Variants in CEP128 observed in about 807,000 individuals in gnomAD.
CEP128 encodes centrosomal protein 128kDa.
A neutral mutation model predicts 156.7 loss-of-function variants in CEP128; 132 were observed. That is an observed-to-expected ratio of 0.84 (90% CI 0.73 to 0.97). CEP128 has a LOEUF of 0.97. CEP128 is among the 50% of genes least tolerant of loss of function. The pLI, the probability that CEP128 is intolerant of heterozygous loss-of-function variation, is 0.00. For synonymous variants in CEP128, 469 were observed against 448.9 expected, an observed-to-expected ratio of 1.04 and a Z score of -0.57; for missense variants, 1,252 against 1,281.9, an observed-to-expected ratio of 0.98 and a Z score of 0.36.
intron 19 of CEP128, among the ~76,000 whole-genome samples, chr14:80,682,822 A>G (rs1269818972): frequency 6.6e-6 from 1 of 152,204 alleles, no homozygotes; most frequent in Admixed American, 6.5e-5. Context: ...TCCAAAAAAC[A>G]ATTTCATTTT....
At chr14:80,877,676 C>G (rs180754114) in intron 8 of CEP128, among the ~76,000 whole-genome samples, 1 of 152,286 alleles carries the variant, frequency 6.6e-6, no homozygotes, top group East Asian at 1.9e-4. Flanking sequence ...CACCTTGCCT[C>G]CACCATCTCA....
intron 16 of CEP128, among the ~76,000 whole-genome samples, chr14:80,765,331 G>A (rs1900186463): frequency 1.3e-5 from 2 of 152,194 alleles, no homozygotes; most frequent in Admixed American, 6.5e-5. Flanking sequence ...CTAATTCTGG[G>A]GGAGGGTTGG....
chr14:80,650,393 T>G (rs935058658), intron 19 of CEP128, among the ~76,000 whole-genome samples: 1 of 152,150 alleles, frequency 6.6e-6, no homozygotes, highest in African/African-American at 2.4e-5. Context: ...TTCTTACTAT[T>G]TGAATACCCT....
chr14:80,561,645 C>T (rs1255810402), intron 20 of CEP128, among the ~76,000 whole-genome samples: 1 of 151,976 alleles, frequency 6.6e-6, no homozygotes, highest in Non-Finnish European at 1.5e-5. Context: ...TTAAGATTAA[C>T]GTATTTTAAA....
At chr14:80,493,049 T>C (rs1443631986), downstream of CEP128, among the ~76,000 whole-genome samples, 1 of 152,158 alleles carries the variant, frequency 6.6e-6, no homozygotes, top group Non-Finnish European at 1.5e-5. Context: ...AGAGCTCCAA[T>C]ATCTAAGGAT....
rs147367329 is a variant in CEP128, at chr14:80,862,801, T to C, written c.718A>G (p.Arg240Gly). ...EMRTERELVE[R>G]RQDQLGLMSL... ...ATGAGTCCCAGTTGATCCTGGCGTCTTTCCACCAGCTCCCTTTCTGTGCGC... is the reference window on the plus strand; with the variant it reads ...ATGAGTCCCAGTTGATCCTGGCGTCCTTCCACCAGCTCCCTTTCTGTGCGC... The change falls in exon 9 of 25, where the codon AGA becomes GGA. Residue 240 changes from arginine to glycine, a missense_variant. Arg to Gly is a moderately radical substitution (Grantham distance 125, BLOSUM62 -2). Coordinates refer to ENST00000555265, the MANE Select transcript of CEP128 (RefSeq NM_152446.5). The C allele has an allele frequency of 5.6e-6, 9 of 1,613,946 alleles. No homozygotes were observed. Among genetic ancestry groups the C allele is most frequent in the African/African-American group, 4.0e-5 (3 of 74,934 alleles).
At chr14:80,846,055 G>A (rs1293032067) in intron 9 of CEP128, among the ~76,000 whole-genome samples, 1 of 152,136 alleles carries the variant, frequency 6.6e-6, no homozygotes, top group Non-Finnish European at 1.5e-5. Context: ...ATGTCTATTT[G>A]CATATGGTGC....
chr14:80,789,992 C>T (rs1192407180), intron 14 of CEP128, among the ~76,000 whole-genome samples: 1 of 151,932 alleles, frequency 6.6e-6, no homozygotes, highest in African/African-American at 2.4e-5. Context: ...ACTCCATATG[C>T]ATTCAAAAAA....
At chr14:80,737,785 G>T (rs1016782652) in intron 19 of CEP128, among the ~76,000 whole-genome samples, 8 of 152,110 alleles carry the variant, frequency 5.3e-5, no homozygotes, top group Admixed American at 5.2e-4. Flanking sequence ...AGCTACTCAG[G>T]AGTCTGAGAT....
chr14:80,685,181 T>C lies in CEP128; in HGVS notation c.2806+57894A>G, dbSNP rs76318584. On this transcript the variant is annotated intron_variant, in intron 19 of 24. Coordinates refer to ENST00000555265, the MANE Select transcript of CEP128 (RefSeq NM_152446.5). ...CTATGTCTCTTCACTGAGGATTTGA[T>C]TCTATCCCTAGAAAACTCTAAAGAC... Among the ~76,000 whole-genome samples, 491 of 152,206 alleles carry C rather than the reference T, an allele frequency of 3.2e-3. 4 individuals are homozygous for C. Among genetic ancestry groups the C allele is most frequent in the African/African-American group, 0.011 (472 of 41,556 alleles).
chr14:80,573,941 C>T (rs2140423321), intron 20 of CEP128, among the ~76,000 whole-genome samples: 1 of 152,252 alleles, frequency 6.6e-6, no homozygotes, highest in East Asian at 1.9e-4. Context: ...TTTTAAATCA[C>T]ATTTCAGAAG....
chr14:80,770,487 C>T (rs970510643), intron 16 of CEP128, among the ~76,000 whole-genome samples: 1 of 152,146 alleles, frequency 6.6e-6, no homozygotes, highest in African/African-American at 2.4e-5. Context: ...AAATGGGAAG[C>T]ACTCTGTTAT....
intron 9 of CEP128, among the ~76,000 whole-genome samples, chr14:80,841,647 T>C (rs1886353773): frequency 6.6e-6 from 1 of 152,036 alleles, no homozygotes. Context: ...GAATTATTAT[T>C]ATTCCAAGCC....
chr14:80,584,542 T>C (rs1891732011), intron 19 of CEP128, among the ~76,000 whole-genome samples: 1 of 152,120 alleles, frequency 6.6e-6, no homozygotes, highest in African/African-American at 2.4e-5. Flanking sequence ...CCCACACCAT[T>C]GCTGTATGCC....
chr14:80,840,587 T>C lies in CEP128; in HGVS notation c.849+95A>G, dbSNP rs911331215. The C allele has an allele frequency of 9.3e-6, 7 of 748,942 alleles. No homozygotes were observed. In the African/African-American group the frequency reaches 1.1e-4, roughly 11 times the overall value. 46.4% of individuals were successfully genotyped at this position (748,942 alleles called of 1,614,324 possible). On this transcript the variant is annotated intron_variant, in intron 10 of 24. Coordinates refer to ENST00000555265, the MANE Select transcript of CEP128 (RefSeq NM_152446.5). ...TAGAAAGATAAAGAACTCACAATGT[T>C]CTAAAGGATCCTGGGGACACTTTTC...
intron 24 of CEP128, among the ~76,000 whole-genome samples, chr14:80,502,239 T>C (rs1307302299): frequency 6.6e-6 from 1 of 152,082 alleles, no homozygotes. Flanking sequence ...AGCCTCAATT[T>C]TGGGGCTTGC....
intron 2 of CEP128, among the ~76,000 whole-genome samples, chr14:80,921,308 T>C (rs1181172738): frequency 6.6e-6 from 1 of 152,052 alleles, no homozygotes; most frequent in East Asian, 1.9e-4. Context: ...AATCTATTCA[T>C]GGAGTAATGG....
intron 19 of CEP128, among the ~76,000 whole-genome samples, chr14:80,640,834 T>C (rs1236227097): frequency 2.6e-5 from 4 of 152,200 alleles, no homozygotes; most frequent in African/African-American, 7.2e-5. Flanking sequence ...CCACATATCT[T>C]AAGGGTACTT....
intron 12 of CEP128, among the ~76,000 whole-genome samples, chr14:80,834,550 T>C (rs1317358302): frequency 6.6e-6 from 1 of 152,138 alleles, no homozygotes; most frequent in Non-Finnish European, 1.5e-5. Context: ...AACTCTACAA[T>C]TGTTAAACGG....
Sources: gnomAD v4.1 joint callset for allele counts (sites outside exome capture counted in the v4.1 genomes callset) on GRCh38, gnomAD v4.1.1 for gene constraint, MANE v1.5 for transcripts, NCBI Gene and HGNC (gene_info 2026-07-23, HGNC 2026-07-21) for gene names.